RIMBP2: variants seen among roughly 807,000 people sequenced by gnomAD.
The protein encoded by RIMBP2 is RIMS binding protein 2, also known as RIMS-binding protein 2.
In RIMBP2, 48 loss-of-function variants were observed where a neutral mutation model predicts 118.6. The observed-to-expected ratio is 0.40, with a 90% CI of 0.32 to 0.51. The LOEUF (loss-of-function observed/expected upper bound fraction) is 0.51. RIMBP2 is among the 20% of genes least tolerant of loss of function. The probability of loss-of-function intolerance (pLI) is 0.41; values close to 1 mark genes in which losing one functional copy is unlikely to be tolerated. For synonymous variants in RIMBP2, 762 were observed against 742.9 expected (o/e 1.03, Z -0.42); for missense variants, 1,551 against 1,768.3 (o/e 0.88, Z 2.20).
Position 130,475,629 on chromosome 12 carries a change from G to A in RIMBP2, c.102+3283C>T, listed in dbSNP as rs185271073. On this transcript the variant is annotated intron_variant, in intron 5 of 22. Coordinates refer to ENST00000690449, the MANE Select transcript of RIMBP2 (RefSeq NM_001393629.1). This position sits in a 1 kb window ranked among gnomAD's most constrained non-coding sequence, Gnocchi z 4.1. Reference sequence around the variant, plus strand: ...GGGCTCCAGGCGGGCGTCTCCAAGGGGAAAATGGAATCAGAAGCCCCCCAG... The same window carrying A: ...GGGCTCCAGGCGGGCGTCTCCAAGGAGAAAATGGAATCAGAAGCCCCCCAG... 6.6e-6 allele frequency among the ~76,000 whole-genome samples: 1 copy of A among 152,126 alleles called. No homozygotes were observed.
chr12:130,618,932 C>T (rs147888345), intron 2 of RIMBP2, among the ~76,000 whole-genome samples: 26 of 152,148 alleles, frequency 1.7e-4, no homozygotes, highest in African/African-American at 6.3e-4. Context: ...ATGTTCGGAC[C>T]TCTGTCCAGA....
intron 2 of RIMBP2, among the ~76,000 whole-genome samples, chr12:130,612,434 C>T (rs964664451): frequency 7.2e-5 from 11 of 152,128 alleles, no homozygotes; most frequent in African/African-American, 2.7e-4. Flanking sequence ...CTCTGCTGTG[C>T]GCAAAGCCCA....
In RIMBP2 at chr12:130,436,955, G is replaced by A. The variant is rs144812508; in HGVS notation, c.1993C>T (p.Arg665Trp). The A allele has an allele frequency of 1.0e-3, 1,655 of 1,605,004 alleles. 8 individuals carry two copies. The highest frequency in any genetic ancestry group is 5.3e-4 in the Non-Finnish European group (627 of 1,176,920). Residue 665 changes from arginine to tryptophan, a missense_variant, in exon 13 of 23, where the codon CGG (arginine) becomes TGG (tryptophan). Transcript: ENST00000690449. ...MLEPPVGPGR[R>W]SPSPSRILPQ... ...AGGATGCGGCTGGGTGAGGGCGACC[G>A]CCTTCCGGGGCCCACGGGCGGCTCC...
chr12:130,483,701 AT>A (rs1244287531), intron 4 of RIMBP2, among the ~76,000 whole-genome samples: 38 of 72,316 alleles, frequency 5.3e-4, no homozygotes, highest in African/African-American at 1.9e-3. Flanking sequence ...CGGAGCCCCC[AT>A]CCCTCACCTA....
intron 2 of RIMBP2, among the ~76,000 whole-genome samples, chr12:130,569,182 G>A (rs2057447884): frequency 6.6e-6 from 1 of 152,212 alleles, no homozygotes; most frequent in Non-Finnish European, 1.5e-5. Flanking sequence ...TGGGCCCTGG[G>A]ACAGCCTCAT....
chr12:130,629,974 T>A (rs1375930972), intron 1 of RIMBP2, among the ~76,000 whole-genome samples: 17 of 104,512 alleles, frequency 1.6e-4, no homozygotes, highest in East Asian at 3.1e-4. Context: ...AATCAAGCTT[T>A]AAAAAAAAAA....
chr12:130,474,240 C>T (rs552968838), intron 5 of RIMBP2, among the ~76,000 whole-genome samples: 5 of 152,160 alleles, frequency 3.3e-5, no homozygotes, highest in Admixed American at 6.5e-5. Context: ...ATGGTGCCTC[C>T]GCCCCGCAGG....
intron 1 of RIMBP2, among the ~76,000 whole-genome samples, chr12:130,686,164 T>A (rs1049763753): frequency 2.0e-5 from 3 of 152,098 alleles, no homozygotes. Flanking sequence ...GCCAGAGCCC[T>A]CCCCACATTC....
chr12:130,664,393 A>ACGCACACACACGCACGCACGCACG, intron 1 of RIMBP2, among the ~76,000 whole-genome samples: 1 of 58,450 alleles, frequency 1.7e-5, no homozygotes, highest in African/African-American at 4.8e-5. Context: ...GCGCATGCAC[A>ACGCACACACACGCACGCACGCACG]CACACGCACG....
intron 1 of RIMBP2, among the ~76,000 whole-genome samples, chr12:130,664,862 G>C (rs2063850205): frequency 6.6e-6 from 1 of 151,774 alleles, no homozygotes; most frequent in Non-Finnish European, 1.5e-5. Context: ...CATAAATAAA[G>C]GGGGGCGGGG....
At chr12:130,403,402 A>C (rs2136314153) in intron 21 of RIMBP2, among the ~76,000 whole-genome samples, 1 of 152,328 alleles carries the variant, frequency 6.6e-6, no homozygotes, top group South Asian at 2.1e-4. Context: ...AGAAGATAAA[A>C]CATAACTGGG....
In RIMBP2 at chr12:130,422,247, T is replaced by C. The variant is rs922099420; in HGVS notation, c.3238+206A>G. Among the ~76,000 whole-genome samples the C allele has an allele frequency of 3.3e-5, 5 of 152,204 alleles. No individual in the cohort carries two copies. Among genetic ancestry groups the C allele is most frequent in the African/African-American group, 7.2e-5 (3 of 41,450 alleles). On this transcript the variant is annotated intron_variant, in intron 17 of 22. Transcript: ENST00000690449. This position sits in a 1 kb window ranked among gnomAD's most constrained non-coding sequence, Gnocchi z 5.2. ...AAAAAATCAGCTGGGAGAACATGGA[T>C]GTAGAAGGCCAATTTGATATTTCAA... is the stretch of plus-strand genomic sequence containing the variant.
chr12:130,403,425 GCAGA>G lies in RIMBP2; in HGVS notation c.3765+2743_3765+2746del, dbSNP rs144935882. Among the ~76,000 whole-genome samples the G allele has an allele frequency of 2.3e-3, 344 of 152,288 alleles. 1 individual carries two copies. Among genetic ancestry groups the G allele is most frequent in the African/African-American group, 8.0e-3 (332 of 41,562 alleles). On this transcript the variant is annotated intron_variant, in intron 21 of 22. Coordinates refer to ENST00000690449, the MANE Select transcript of RIMBP2 (RefSeq NM_001393629.1). ...AAACATAACTGGGGAATAGAAACAT[GCAGA>G]CAAATTAGAAAAATCTTCTTAAATT...
chr12:130,508,230 G>T (rs2050552906), intron 3 of RIMBP2, among the ~76,000 whole-genome samples: 1 of 151,950 alleles, frequency 6.6e-6, no homozygotes, highest in African/African-American at 2.4e-5. Flanking sequence ...ATGCTTGAAT[G>T]CCCCTAAATT....
chr12:130,442,795 C>T lies in RIMBP2; in HGVS notation c.692-135G>A, dbSNP rs2078236251. 1.4e-6 allele frequency: 1 copy of T among 700,640 alleles called. No homozygotes were observed. The highest frequency in any genetic ancestry group is 2.4e-6 in the Non-Finnish European group (1 of 424,728). 43.4% of individuals were successfully genotyped at this position (700,640 alleles called of 1,614,324 possible). A position where few individuals can be genotyped will look rare whatever the true frequency, so the allele number is the denominator to read the frequency against. ...TGCCCTGGGGCTCCTCCGCTGTTCC[C>T]AGGAGTCCATGCTGGGGCCAGCTCC... On this transcript the variant is annotated intron_variant, in intron 10 of 22. Transcript: ENST00000690449. The surrounding 1 kb of genome is among the most constrained non-coding windows in gnomAD (Gnocchi z 6.9).
At position 130,623,661 on chromosome 12, in the gene RIMBP2, C is replaced by T. The variant is rs993850315; in HGVS notation, c.-217+4661G>A. Among the ~76,000 whole-genome samples the T allele has an allele frequency of 6.6e-6, 1 of 152,204 alleles. No homozygotes were observed. The highest frequency in any genetic ancestry group is 2.1e-4 in the South Asian group (1 of 4,826). On this transcript the variant is annotated intron_variant, in intron 2 of 22. Transcript: ENST00000690449. This position sits in a 1 kb window ranked among gnomAD's most constrained non-coding sequence, Gnocchi z 4.1. ...AGCGCTCAACTCCATGCACACCAAGCTGGTTACCACCAACACCTGCATTTC... is the reference window on the plus strand; with the variant it reads ...AGCGCTCAACTCCATGCACACCAAGTTGGTTACCACCAACACCTGCATTTC...
At chr12:130,634,735 G>A (rs1269003530) in intron 1 of RIMBP2, among the ~76,000 whole-genome samples, 1 of 151,962 alleles carries the variant, frequency 6.6e-6, no homozygotes, top group Non-Finnish European at 1.5e-5. Flanking sequence ...GAGGCTACCA[G>A]TGCTTACCAC....
intron 2 of RIMBP2, among the ~76,000 whole-genome samples, chr12:130,573,342 A>T (rs1352776561): frequency 1.3e-5 from 2 of 152,022 alleles, no homozygotes; most frequent in Non-Finnish European, 2.9e-5. Flanking sequence ...AATATTTTTA[A>T]ATGTTCTTTA....
At chr12:130,546,117 TGGGA>T (rs2055129272) in intron 2 of RIMBP2, among the ~76,000 whole-genome samples, 2 of 147,894 alleles carry the variant, frequency 1.4e-5, no homozygotes, top group African/African-American at 5.1e-5. Context: ...TTTTTTTTTT[TGGGA>T]TGGAGTCTCA....
Sources: allele counts gnomAD v4.1 joint callset (sites outside exome capture counted in the v4.1 genomes callset), GRCh38; gene constraint gnomAD v4.1.1; non-coding constraint Gnocchi (gnomAD v3.1); transcripts MANE v1.5; gene names NCBI Gene and HGNC (gene_info 2026-07-23, HGNC 2026-07-21).